HTT: variants seen among roughly 807,000 people sequenced by gnomAD.
The protein encoded by HTT is huntingtin, also known as huntington disease protein.
HTT carries 104 observed loss-of-function variants against 362.3 expected under a neutral mutation model. The observed-to-expected ratio is 0.29, with a 90% CI of 0.24 to 0.34. HTT has a LOEUF of 0.34. Ranked by LOEUF, HTT falls within the 10% of genes least tolerant of loss-of-function variation. The probability of loss-of-function intolerance (pLI) is 1.00; values close to 1 mark genes in which losing one functional copy is unlikely to be tolerated. For synonymous variants in HTT, 1,577 were observed against 1,548.7 expected (o/e 1.02, Z -0.43); for missense variants, 3,301 against 3,928.6 (o/e 0.84, Z 4.27).
chr4:3,177,040 A>G (rs542223895), intron 33 of HTT, among the ~76,000 whole-genome samples: 5 of 152,192 alleles, frequency 3.3e-5, no homozygotes, highest in Non-Finnish European at 7.3e-5. Flanking sequence ...ATTAACGTGA[A>G]CAGATGAGTC....
chr4:3,105,609 T>C (rs1398390496), intron 5 of HTT, among the ~76,000 whole-genome samples, 173 bp downstream of exon 5: 2 of 152,250 alleles, frequency 1.3e-5, no homozygotes, highest in African/African-American at 4.8e-5. Flanking sequence ...AATTGTCACG[T>C]ACAGTCTATC....
At chr4:3,153,956 C>A (rs1450259073) in intron 26 of HTT, among the ~76,000 whole-genome samples, 1 of 152,142 alleles carries the variant, frequency 6.6e-6, no homozygotes, top group East Asian at 1.9e-4. Flanking sequence ...CCTTTCATGT[C>A]ATGGCGTCAT....
chr4:3,207,427 G>A, intron 45 of HTT, 70 bp downstream of exon 45: 1 of 1,284,638 alleles, frequency 7.8e-7, no homozygotes, highest in Non-Finnish European at 1.1e-6. Flanking sequence ...GATTTGTACG[G>A]GAATAAATTC....
chr4:3,209,977 A>G lies in HTT; in HGVS notation c.6414+28A>G, dbSNP rs374503562. The G allele has an allele frequency of 4.8e-5, 77 of 1,609,580 alleles. No homozygotes were observed. In the African/African-American group the frequency reaches 9.8e-4, roughly 20 times the overall value. ...ACGGGGGGAGCAGTGGAGGCAAGGA[A>G]TCCTCAGCTTTTCTTGTGACTTCCA... On this transcript the variant is annotated intron_variant, in intron 47 of 66. Coordinates refer to ENST00000355072, the MANE Select transcript of HTT (RefSeq NM_001388492.1).
intron 35 of HTT, among the ~76,000 whole-genome samples, chr4:3,179,246 G>C (rs565924540): frequency 6.6e-6 from 1 of 152,282 alleles, no homozygotes; most frequent in Non-Finnish European, 1.5e-5. Context: ...ACATAGCTAA[G>C]CCAGTTAGTG....
intron 6 of HTT, among the ~76,000 whole-genome samples, chr4:3,111,247 G>A (rs916613584): frequency 2.7e-5 from 4 of 150,382 alleles, no homozygotes; most frequent in African/African-American, 9.8e-5. Context: ...AGGCTAGAGT[G>A]CGGTGGTGGG....
At chr4:3,195,343 A>C (rs1290108542) in intron 40 of HTT, among the ~76,000 whole-genome samples, 1 of 152,136 alleles carries the variant, frequency 6.6e-6, no homozygotes, top group Admixed American at 6.5e-5. Context: ...TTTAGCTCAC[A>C]AAAACACGGC....
chr4:3,230,799 C>G (rs1447809186), intron 60 of HTT, among the ~76,000 whole-genome samples: 1 of 152,138 alleles, frequency 6.6e-6, no homozygotes, highest in East Asian at 1.9e-4. Flanking sequence ...CACAAGGGCT[C>G]TCCCATCATG....
At chr4:3,198,152 C>T (rs1352516398) in intron 40 of HTT, among the ~76,000 whole-genome samples, 1 of 151,420 alleles carries the variant, frequency 6.6e-6, no homozygotes, top group Non-Finnish European at 1.5e-5. Context: ...CATTGTGGAG[C>T]CCTAAAAAGC....
intron 1 of HTT, among the ~76,000 whole-genome samples, chr4:3,079,046 C>G (rs1031361225): frequency 6.6e-6 from 1 of 151,740 alleles, no homozygotes; most frequent in African/African-American, 2.4e-5. Context: ...CCACTGTGCC[C>G]GGCCACGCCT....
At chr4:3,169,022 CTT>C (rs761540640) in intron 29 of HTT, among the ~76,000 whole-genome samples, 24 of 141,068 alleles carry the variant, frequency 1.7e-4, no homozygotes, top group East Asian at 2.0e-4. Flanking sequence ...TTCTTTCTTT[CTT>C]TTTTTTTTTT....
chr4:3,115,486 A>C (rs762995968), intron 7 of HTT, 41 bp downstream of exon 7: 2 of 1,507,312 alleles, frequency 1.3e-6, no homozygotes, highest in South Asian at 1.1e-5. Flanking sequence ...TCCAGCATGT[A>C]CTCAAGATAG....
chr4:3,085,074 C>T (rs1449787491), intron 1 of HTT, among the ~76,000 whole-genome samples: 1 of 151,730 alleles, frequency 6.6e-6, no homozygotes, highest in Non-Finnish European at 1.5e-5. Context: ...ACATGCCCCT[C>T]CTTACGCTTG....
At position 3,129,950 on chromosome 4, in the gene HTT, T is replaced by G; in HGVS notation, c.1770T>G (p.Tyr590Ter). 6.2e-7 allele frequency: 1 copy of G among 1,614,116 alleles called. No individual in the cohort carries two copies. Among genetic ancestry groups the G allele is most frequent in the Non-Finnish European group, 8.5e-7 (1 of 1,179,990 alleles). ...TGTTAGACGGTACCGACAACCAGTA[T>G]TTGGGCCTGCAGATTGGACAGCCCC... ...EIVLDGTDNQYLGLQIGQPQD... is the reference protein window; with the variant it reads ...EIVLDGTDNQ The change falls in exon 13 of 67, where the codon TAT becomes TAG. Residue 590 changes from tyrosine to a stop codon, truncating the protein, a stop_gained. Coordinates refer to ENST00000355072, the MANE Select transcript of HTT (RefSeq NM_001388492.1). LOFTEE classifies it high-confidence loss of function.
chr4:3,198,215 ATTTTTTTTTT>A (rs200014691), intron 40 of HTT, among the ~76,000 whole-genome samples: 5 of 60,338 alleles, frequency 8.3e-5, no homozygotes, highest in African/African-American at 2.6e-4. Context: ...GGATGTGTTG[ATTTTTTTTTT>A]TTTTTTTTTT....
intron 40 of HTT, among the ~76,000 whole-genome samples, chr4:3,189,920 G>C (rs1402522296): frequency 6.6e-6 from 1 of 152,144 alleles, no homozygotes; most frequent in Non-Finnish European, 1.5e-5. Flanking sequence ...GGAGACTGAG[G>C]CTGGAGGATC....
rs377089612 is a variant in HTT at position 3,187,934 on chromosome 4, T to C, written c.5225+48T>C. 1.7e-5 allele frequency: 19 copies of C among 1,126,862 alleles called. No individual in the cohort carries two copies. In the African/African-American group the frequency reaches 2.7e-4, roughly 16 times the overall value. 69.8% of individuals were successfully genotyped at this position (1,126,862 alleles called of 1,614,324 possible). On this transcript the variant is annotated intron_variant, in intron 39 of 66. Coordinates refer to ENST00000355072, the MANE Select transcript of HTT (RefSeq NM_001388492.1). ...TAACTAACCCATGCCTTTTGGGAAG[T>C]CACGTGATGTTTCACAGTCAGTAAG...
chr4:3,105,974 C>CA (rs1714402889), intron 5 of HTT, among the ~76,000 whole-genome samples: 1 of 152,198 alleles, frequency 6.6e-6, no homozygotes. Flanking sequence ...CCTTAACCAG[C>CA]AATACATGCT....
In HTT at chr4:3,127,261, C is replaced by T. The variant is rs900607952; in HGVS notation, c.1403-3C>T. On this transcript the variant is annotated splice_polypyrimidine_tract_variant and splice_region_variant and intron_variant, in intron 11 of 66. Coordinates refer to ENST00000355072, the MANE Select transcript of HTT (RefSeq NM_001388492.1). Reference sequence around the variant, plus strand: ...TGACAAATGAGTGTTTCTCTGTCTTCAGCCTCAGTGAAGGATGAGATCAGT... The same window carrying T: ...TGACAAATGAGTGTTTCTCTGTCTTTAGCCTCAGTGAAGGATGAGATCAGT... 1.9e-6 allele frequency: 3 copies of T among 1,605,992 alleles called. No homozygotes were observed. Among genetic ancestry groups the T allele is most frequent in the Middle Eastern group, 1.7e-4 (1 of 6,038 alleles).
Sources: gnomAD v4.1 joint callset for allele counts (sites outside exome capture counted in the v4.1 genomes callset) on GRCh38, gnomAD v4.1.1 for gene constraint, MANE v1.5 for transcripts, NCBI Gene and HGNC (gene_info 2026-07-23, HGNC 2026-07-21) for gene names.